Variants in COQ8A observed in about 807,000 individuals in gnomAD.
COQ8A encodes the protein coenzyme Q8A.
In COQ8A, 51 loss-of-function variants were observed where a neutral mutation model predicts 65.0. The observed-to-expected ratio is 0.78, with a 90% CI of 0.63 to 0.99. The LOEUF (loss-of-function observed/expected upper bound fraction) is 0.99. COQ8A is among the 50% of genes least tolerant of loss of function. The probability of loss-of-function intolerance (pLI) is 0.00; values close to 1 mark genes in which losing one functional copy is unlikely to be tolerated. For synonymous variants in COQ8A, 371 were observed against 353.2 expected (o/e 1.05, Z -0.57); for missense variants, 940 against 875.0 (o/e 1.07, Z -0.94).
At chr1:226,973,583 G>A (rs180741634) in intron 4 of COQ8A, among the ~76,000 whole-genome samples, 1 of 152,314 alleles carries the variant, frequency 6.6e-6, no homozygotes. Flanking sequence ...GAACCTGTGA[G>A]AGCAGCCGCT....
At position 226,946,430 on chromosome 1, in the gene COQ8A, C is replaced by T. The variant is rs552531769; in HGVS notation, c.-10+6031C>T. ...GGCCGGGGGTCCATTCTGGCTGAAG[C>T]GTTGGGGCACGGAGGCATCTAGCGA... is the stretch of plus-strand genomic sequence containing the variant. On this transcript the variant is annotated intron_variant, in intron 1 of 14. Coordinates refer to ENST00000366777, the MANE Select transcript of COQ8A (RefSeq NM_020247.5). This position sits in a 1 kb window ranked among gnomAD's most constrained non-coding sequence, Gnocchi z 5.3. Among the ~76,000 whole-genome samples, 9 of 152,202 alleles carry T rather than the reference C, an allele frequency of 5.9e-5. No individual in the cohort carries two copies. The South Asian group carries it at 1.5e-3, about 25-fold the overall frequency.
chr1:226,954,011 A>G (rs1039829271), intron 1 of COQ8A, among the ~76,000 whole-genome samples: 3 of 152,262 alleles, frequency 2.0e-5, no homozygotes, highest in Non-Finnish European at 4.4e-5. Context: ...GTGCCCACAC[A>G]GGCTAGAAAT....
chr1:226,973,591 G>A (rs900427338), intron 4 of COQ8A, among the ~76,000 whole-genome samples: 45 of 152,206 alleles, frequency 3.0e-4, no homozygotes, highest in Non-Finnish European at 5.1e-4. Context: ...GAGAGCAGCC[G>A]CTAGGAACTC....
At chr1:226,941,434 C>T (rs1656684189) in intron 1 of COQ8A, among the ~76,000 whole-genome samples, 2 of 152,052 alleles carry the variant, frequency 1.3e-5, no homozygotes, top group South Asian at 2.1e-4. Context: ...GCCTTTCTCC[C>T]GAGGAGAGAC....
At chr1:226,970,223 G>C (rs1019680524) in intron 4 of COQ8A, among the ~76,000 whole-genome samples, 1 of 152,192 alleles carries the variant, frequency 6.6e-6, no homozygotes, top group African/African-American at 2.4e-5. Flanking sequence ...AAAGTGCTGG[G>C]ATTAAAGGCA....
rs1371990047 is a variant in COQ8A, at chr1:226,973,000, A to G, written c.656-4449A>G. Among the ~76,000 whole-genome samples the G allele has an allele frequency of 6.6e-6, 1 of 152,190 alleles. No homozygotes were observed. Among genetic ancestry groups the G allele is most frequent in the Admixed American group, 6.5e-5 (1 of 15,282 alleles). ...TTGCTGTGGCCTTGAGAGCCATCCC[A>G]CAGCAGCAATGCTGTTGGACCCTTT... On this transcript the variant is annotated intron_variant, in intron 4 of 14. Coordinates refer to ENST00000366777, the MANE Select transcript of COQ8A (RefSeq NM_020247.5). This position sits in a 1 kb window ranked among gnomAD's most constrained non-coding sequence, Gnocchi z 4.3.
chr1:226,952,961 A>C (rs1657476572), intron 1 of COQ8A, among the ~76,000 whole-genome samples: 2 of 151,934 alleles, frequency 1.3e-5, no homozygotes, highest in Admixed American at 1.3e-4. Flanking sequence ...CCTGCTTTTT[A>C]TTTCCCGGGA....
At chr1:226,947,800 A>AAAT (rs952981597) in intron 1 of COQ8A, among the ~76,000 whole-genome samples, 1 of 60,558 alleles carries the variant, frequency 1.7e-5, no homozygotes, top group African/African-American at 6.4e-5. Context: ...GTCTCAAAAA[A>AAAT]ATATATATAT....
In COQ8A at chr1:226,977,911, G is replaced by A. The variant is rs377399620; in HGVS notation, c.730+388G>A. Among the ~76,000 whole-genome samples, 12 of 125,640 alleles carry A rather than the reference G, an allele frequency of 9.6e-5. No homozygotes were observed. The East Asian group carries it at 1.2e-3, about 13-fold the overall frequency. The allele number at this position is 125,640 out of a possible 152,430, so 82.4% of individuals were successfully genotyped here. Reference sequence around the variant, plus strand: ...CCCCTTCCACACCCAGCGAACACGCGCACACCTTACACACCCCTTGCCCAC... The same window carrying A: ...CCCCTTCCACACCCAGCGAACACGCACACACCTTACACACCCCTTGCCCAC... On this transcript the variant is annotated intron_variant, in intron 5 of 14. Coordinates refer to ENST00000366777, the MANE Select transcript of COQ8A (RefSeq NM_020247.5).
intron 4 of COQ8A, among the ~76,000 whole-genome samples, chr1:226,973,637 G>A (rs1356525216): frequency 8.5e-5 from 13 of 152,206 alleles, no homozygotes; most frequent in Admixed American, 8.5e-4. Context: ...GCCATGCTGG[G>A]GGCTGCAGCC....
chr1:226,971,354 G>A (rs537524799), intron 4 of COQ8A, among the ~76,000 whole-genome samples: 3 of 152,114 alleles, frequency 2.0e-5, no homozygotes, highest in Non-Finnish European at 2.9e-5. Flanking sequence ...AGATCGAGAC[G>A]ATCCTGGCTA....
chr1:226,954,196 G>C (rs538482031), intron 1 of COQ8A, among the ~76,000 whole-genome samples: 1 of 152,368 alleles, frequency 6.6e-6, no homozygotes, highest in East Asian at 1.9e-4. Flanking sequence ...CGGTCTCTAA[G>C]CTCATTCACT....
chr1:226,983,399 C>CG lies in COQ8A; in HGVS notation c.1081-151dup, dbSNP rs538198041. The CG allele has an allele frequency of 5.2e-6, 4 of 766,170 alleles. No individual in the cohort carries two copies. In the South Asian group the frequency reaches 6.1e-5, roughly 12 times the overall value. 47.5% of individuals were successfully genotyped at this position (766,170 alleles called of 1,614,324 possible). A position where few individuals can be genotyped will look rare whatever the true frequency, so the allele number is the denominator to read the frequency against. ...CGAGGCTGTGATGGGGTCCAGGTCA[C>CG]GGCAGCATGGCTGGGTCTTAGCTCT... On this transcript the variant is annotated intron_variant, in intron 8 of 14. Transcript: ENST00000366777.
Position 226,986,546 on chromosome 1 carries a change from G to A in COQ8A, c.1753G>A (p.Glu585Lys), listed in dbSNP as rs758986425. The change falls in exon 15 of 15, where the codon GAG becomes AAG. Residue 585 changes from glutamate to lysine, a missense_variant. Physicochemically the swap from Glu to Lys is moderately conservative, Grantham distance 56. Coordinates refer to ENST00000366777, the MANE Select transcript of COQ8A (RefSeq NM_020247.5). ...PFDFGTQSTT[E>K]KIHNLIPVML... Reference sequence around the variant, plus strand: ...TGATTTTGGCACTCAGAGCACCACCGAGAAGATCCACAACCTGATTCCCGT... The same window carrying A: ...TGATTTTGGCACTCAGAGCACCACCAAGAAGATCCACAACCTGATTCCCGT... The A allele has an allele frequency of 3.7e-6, 6 of 1,613,938 alleles. No individual in the cohort carries two copies. Among genetic ancestry groups the A allele is most frequent in the South Asian group, 3.3e-5 (3 of 91,072 alleles).
intron 1 of COQ8A, among the ~76,000 whole-genome samples, chr1:226,952,441 C>T (rs1028070724): frequency 2.0e-5 from 3 of 151,796 alleles, no homozygotes; most frequent in African/African-American, 7.3e-5. Flanking sequence ...TGAGACAGGT[C>T]TTCTTGCTCT....
chr1:226,942,298 T>A (rs1173303273), intron 1 of COQ8A, among the ~76,000 whole-genome samples: 1 of 151,964 alleles, frequency 6.6e-6, no homozygotes, highest in Non-Finnish European at 1.5e-5. Context: ...AAAAGCCATG[T>A]AGATTGGGCT....
At position 226,986,532 on chromosome 1, in the gene COQ8A, C is replaced by T. The variant is rs199581236; in HGVS notation, c.1739C>T (p.Thr580Ile). 5 of 1,604,432 alleles carry T rather than the reference C, an allele frequency of 3.1e-6. No individual in the cohort carries two copies. The highest frequency in any genetic ancestry group is 2.8e-5 in the African/African-American group (2 of 71,726). ...FASDEPFDFG[T>I]QSTTEKIHNL... ...TCTGATGAGCCTTTTGATTTTGGCA[C>T]TCAGAGCACCACCGAGAAGATCCAC... The change falls in exon 15 of 15, where the codon ACT becomes ATT. Residue 580 changes from threonine (T) to isoleucine (I), a missense_variant. Physicochemically the swap from Thr to Ile is moderately conservative, Grantham distance 89 (BLOSUM62 -1). Coordinates refer to ENST00000366777, the MANE Select transcript of COQ8A (RefSeq NM_020247.5).
chr1:226,956,449 C>T (rs1361275497), intron 1 of COQ8A, among the ~76,000 whole-genome samples: 2 of 138,284 alleles, frequency 1.4e-5, no homozygotes, highest in Non-Finnish European at 3.1e-5. Context: ...GGCTGCCACT[C>T]TCCCTGGCTG....
intron 1 of COQ8A, among the ~76,000 whole-genome samples, chr1:226,959,724 G>A (rs763760318): frequency 9.2e-5 from 14 of 152,224 alleles, no homozygotes; most frequent in East Asian, 3.8e-4. Flanking sequence ...TCCTTCCAGC[G>A]GAGTGGGTGC....
Sources: gnomAD v4.1 joint callset for allele counts (sites outside exome capture counted in the v4.1 genomes callset) on GRCh38, gnomAD v4.1.1 for gene constraint, Gnocchi (gnomAD v3.1) non-coding constraint, MANE v1.5 for transcripts, NCBI Gene and HGNC (gene_info 2026-07-23, HGNC 2026-07-21) for gene names.